Variants in KIAA0586 observed in about 807,000 individuals in gnomAD.
The protein encoded by KIAA0586 is KIAA0586, also known as protein TALPID3.
KIAA0586 carries 144 observed loss-of-function variants against 169.8 expected under a neutral mutation model. The observed-to-expected ratio is 0.85, with a 90% CI of 0.74 to 0.97. KIAA0586 has a LOEUF of 0.97. Among genes scored for constraint, KIAA0586 ranks in the 50% least tolerant of loss-of-function variants. KIAA0586 has a pLI of 0.00. For synonymous variants in KIAA0586, 625 were observed against 612.4 expected, an observed-to-expected ratio of 1.02 and a Z score of -0.30; for missense variants, 1,854 against 1,823.0, an observed-to-expected ratio of 1.02 and a Z score of -0.31.
At chr14:58,477,774 T>C (rs925842410) in intron 20 of KIAA0586, among the ~76,000 whole-genome samples, 1 of 151,994 alleles carries the variant, frequency 6.6e-6, no homozygotes, top group Non-Finnish European at 1.5e-5. Flanking sequence ...TTCTTCCTCT[T>C]CTTTTTCTCC....
intron 26 of KIAA0586, among the ~76,000 whole-genome samples, chr14:58,494,732 C>CTGACT (rs2043052529): frequency 6.6e-6 from 1 of 152,184 alleles, no homozygotes; most frequent in African/African-American, 2.4e-5. Flanking sequence ...ATCCACTAGT[C>CTGACT]CTGGGGCTTG....
At chr14:58,447,937 C>G (rs911892302) in intron 6 of KIAA0586, among the ~76,000 whole-genome samples, 3 of 152,106 alleles carry the variant, frequency 2.0e-5, no homozygotes, top group East Asian at 1.9e-4. Flanking sequence ...AAACAAAATC[C>G]TACCATTTAG....
At chr14:58,552,522 G>A (rs550750120), downstream of KIAA0586, among the ~76,000 whole-genome samples, 1 of 152,248 alleles carries the variant, frequency 6.6e-6, no homozygotes, top group Admixed American at 6.5e-5. Context: ...TTTATAGTAT[G>A]AATGGTGACA....
chr14:58,546,369 A>T (rs1032109464), intron 30 of KIAA0586, among the ~76,000 whole-genome samples: 2 of 152,178 alleles, frequency 1.3e-5, no homozygotes, highest in African/African-American at 4.8e-5. Context: ...TATGATTGAG[A>T]CATCATTAAA....
At chr14:58,554,361 T>C (rs946221335), downstream of KIAA0586, among the ~76,000 whole-genome samples, 1 of 152,188 alleles carries the variant, frequency 6.6e-6, no homozygotes, top group African/African-American at 2.4e-5. Flanking sequence ...ATTTCTCTTC[T>C]AGTGGAACTG....
chr14:58,477,078 C>G, intron 19 of KIAA0586, 45 bp from the exon 20 acceptor site: 1 of 1,049,458 alleles, frequency 9.5e-7, no homozygotes, highest in Non-Finnish European at 1.4e-6. Flanking sequence ...ACATTTCAAT[C>G]AAATTGAGGA....
intron 13 of KIAA0586, among the ~76,000 whole-genome samples, chr14:58,460,417 T>A (rs760616098): frequency 6.6e-5 from 10 of 152,114 alleles, no homozygotes; most frequent in Non-Finnish European, 1.2e-4. Flanking sequence ...AGTTTATTTT[T>A]CAGTTTAACA....
rs140204977 is a variant in KIAA0586, at chr14:58,533,258, C to T, written c.4430-6813C>T. On this transcript the variant is annotated intron_variant, in intron 29 of 30. Coordinates refer to ENST00000652326, the MANE Select transcript of KIAA0586 (RefSeq NM_001329943.3). Reference sequence around the variant, plus strand: ...AATCATTTTCTAAATTTGCCAGTTTCCTGAAATAGCTTAGCTTATGTTCAT... The same window carrying T: ...AATCATTTTCTAAATTTGCCAGTTTTCTGAAATAGCTTAGCTTATGTTCAT... Among the ~76,000 whole-genome samples the T allele has an allele frequency of 3.3e-5, 5 of 152,304 alleles. No individual in the cohort carries two copies. In the East Asian group the frequency reaches 9.6e-4, roughly 29 times the overall value.
chr14:58,429,310 A>C, intron 1 of KIAA0586, 53 bp from the exon 2 acceptor site: 1 of 1,094,048 alleles, frequency 9.1e-7, no homozygotes, highest in South Asian at 1.3e-5. Context: ...ACAGTTTCTA[A>C]AGCTAAGGAT....
intron 29 of KIAA0586, chr14:58,521,694 T>C (rs2045239918): frequency 1.1e-6 from 1 of 902,260 alleles, no homozygotes; most frequent in African/African-American, 1.6e-5. Context: ...AAACAAAAAG[T>C]GGATTCTCTC....
chr14:58,556,145 T>C (rs2047239744), downstream of KIAA0586, among the ~76,000 whole-genome samples: 2 of 152,254 alleles, frequency 1.3e-5, no homozygotes, highest in African/African-American at 4.8e-5. Flanking sequence ...TTATGAGCAA[T>C]TCCAAATGCA....
intron 4 of KIAA0586, among the ~76,000 whole-genome samples, chr14:58,440,724 G>A (rs576309712): frequency 8.8e-4 from 134 of 152,260 alleles, no homozygotes; most frequent in African/African-American, 3.1e-3. Flanking sequence ...GGGACATTAT[G>A]CTAAGTGAAA....
chr14:58,535,702 T>C (rs2046238923), intron 29 of KIAA0586, among the ~76,000 whole-genome samples: 1 of 86,388 alleles, frequency 1.2e-5, no homozygotes. Flanking sequence ...TTATTGGATT[T>C]TTTTTTTTTT....
At chr14:58,541,785 G>A (rs370989040) in intron 30 of KIAA0586, among the ~76,000 whole-genome samples, 20 of 152,212 alleles carry the variant, frequency 1.3e-4, no homozygotes, top group Non-Finnish European at 1.6e-4. Flanking sequence ...AGCTTCTAAC[G>A]CATGGTCTGA....
intron 29 of KIAA0586, among the ~76,000 whole-genome samples, chr14:58,522,521 A>T (rs2045297889): frequency 6.6e-6 from 1 of 152,220 alleles, no homozygotes; most frequent in African/African-American, 2.4e-5. Flanking sequence ...CATCCTCTAG[A>T]AAAATAATTA....
At position 58,546,522 on chromosome 14, in the gene KIAA0586, A is replaced by G. The variant is rs113549124; in HGVS notation, c.4496-1259A>G. Among the ~76,000 whole-genome samples, 186 of 152,282 alleles carry G rather than the reference A, an allele frequency of 1.2e-3. 1 individual carries two copies. The highest frequency in any genetic ancestry group is 6.8e-3 in the Middle Eastern group (2 of 294). On this transcript the variant is annotated intron_variant, in intron 30 of 30. Transcript: ENST00000652326. ...CTCTTGTCTGAAATATGTCTTTAAG[A>G]TTGTTTAAGGTAATTTATTTTTAAC...
the KIAA0586 span, among the ~76,000 whole-genome samples, chr14:58,560,104 T>C: frequency 1.3e-5 from 2 of 150,922 alleles, no homozygotes; most frequent in Non-Finnish European, 2.9e-5. Flanking sequence ...TGAGCTGAGA[T>C]TGTGTCACTG....
intron 30 of KIAA0586, among the ~76,000 whole-genome samples, chr14:58,540,696 A>G (rs965179610): frequency 2.0e-5 from 3 of 152,250 alleles, no homozygotes; most frequent in African/African-American, 7.2e-5. Flanking sequence ...AATAGGATTC[A>G]TATGCCTAAA....
At chr14:58,447,655 A>G (rs2039013419) in intron 6 of KIAA0586, among the ~76,000 whole-genome samples, 1 of 151,586 alleles carries the variant, frequency 6.6e-6, no homozygotes, top group African/African-American at 2.4e-5. Flanking sequence ...TAATTTTTGT[A>G]TTTTTAGGAG....
Sources: allele counts gnomAD v4.1 joint callset (sites outside exome capture counted in the v4.1 genomes callset), GRCh38; gene constraint gnomAD v4.1.1; transcripts MANE v1.5; gene names NCBI Gene and HGNC (gene_info 2026-07-23, HGNC 2026-07-21).